WRN: variants seen among roughly 807,000 people sequenced by gnomAD.
The protein encoded by WRN is bifunctional 3'-5' exonuclease/ATP-dependent helicase WRN.
In WRN, 149 loss-of-function variants were observed where a neutral mutation model predicts 180.7. That is an observed-to-expected ratio of 0.82 (90% CI 0.72 to 0.94). WRN has a LOEUF of 0.94. WRN is among the 40% of genes least tolerant of loss of function. The probability of loss-of-function intolerance (pLI) is 0.00; values close to 1 mark genes in which losing one functional copy is unlikely to be tolerated. For missense variants in WRN, 1,661 were observed against 1,700.1 expected, an observed-to-expected ratio of 0.98 and a Z score of 0.40; for synonymous variants, 548 against 568.9, an observed-to-expected ratio of 0.96 and a Z score of 0.52.
In WRN at chr8:31,087,848, G is replaced by C. The variant is rs755548890; in HGVS notation, c.1504G>C (p.Gly502Arg). The C allele has an allele frequency of 8.6e-5, 139 of 1,613,562 alleles. No individual in the cohort carries two copies. The highest frequency in any genetic ancestry group is 1.1e-4 in the Non-Finnish European group (133 of 1,179,830). Residue 502 changes from glycine (G) to arginine (R), a missense_variant, in exon 12 of 35, where the codon GGT becomes CGT. Gly to Arg is a moderately radical substitution (Grantham distance 125). Coordinates refer to ENST00000298139, the MANE Select transcript of WRN (RefSeq NM_000553.6). ...SKCLKMERNLGLPTKEEEEDD... is the reference protein window; with the variant it reads ...SKCLKMERNLRLPTKEEEEDD... Reference sequence around the variant, plus strand: ...ATGCTTAAAAATGGAAAGAAATCTGGGTCTTCCTACTAAAGAAGAAGAAGA... The same window carrying C: ...ATGCTTAAAAATGGAAAGAAATCTGCGTCTTCCTACTAAAGAAGAAGAAGA...
chr8:31,111,617 T>A lies in WRN; in HGVS notation c.2091T>A (p.Val697=), dbSNP rs781016211. 1.2e-6 allele frequency: 2 copies of A among 1,613,848 alleles called. No individual in the cohort carries two copies. Among genetic ancestry groups the A allele is most frequent in the African/African-American group, 2.7e-5 (2 of 74,914 alleles). Residue 697 remains valine, a splice_region_variant and synonymous_variant, in exon 19 of 35, where the codon GTT becomes GTA. Transcript: ENST00000298139. Reference sequence around the variant, plus strand: ...AATATCAGTTTTACATCATTCAGGTTCCAATCGTTGCACTTACTGCTACTG... The same window carrying A: ...AATATCAGTTTTACATCATTCAGGTACCAATCGTTGCACTTACTGCTACTG... ...LGSLKTALPM[V]PIVALTATAS...
At chr8:31,048,811 T>G (rs2129954825) in intron 1 of WRN, among the ~76,000 whole-genome samples, 1 of 152,318 alleles carries the variant, frequency 6.6e-6, no homozygotes, top group East Asian at 1.9e-4. Flanking sequence ...CTTAAGCTGC[T>G]TTGGTTTTGT....
chr8:31,156,930 A>C (rs956411407), intron 32 of WRN, among the ~76,000 whole-genome samples: 1 of 152,176 alleles, frequency 6.6e-6, no homozygotes, highest in Non-Finnish European at 1.5e-5. Context: ...TGTTATCTCT[A>C]AGCATTTTAG....
At chr8:31,063,446 C>T (rs1180678915) in intron 3 of WRN, among the ~76,000 whole-genome samples, 1 of 152,154 alleles carries the variant, frequency 6.6e-6, no homozygotes, top group Non-Finnish European at 1.5e-5. Flanking sequence ...CATGTCTGTA[C>T]ACATCTGAGG....
chr8:31,087,073 A>G (rs1813563444), intron 11 of WRN, among the ~76,000 whole-genome samples: 1 of 152,108 alleles, frequency 6.6e-6, no homozygotes, highest in Admixed American at 6.5e-5. Context: ...AAAAACCTTC[A>G]AAATGAAAAT....
chr8:31,090,564 TA>T, intron 14 of WRN, 32 bp downstream of exon 14: 1 of 1,585,632 alleles, frequency 6.3e-7, no homozygotes, highest in Non-Finnish European at 8.6e-7. Flanking sequence ...CCTAATCCTT[TA>T]AAAAAATAAA....
At chr8:31,054,348 T>A (rs1278670124) in intron 1 of WRN, among the ~76,000 whole-genome samples, 1 of 152,216 alleles carries the variant, frequency 6.6e-6, no homozygotes, top group Non-Finnish European at 1.5e-5. Flanking sequence ...GTTTCCATAC[T>A]GAAAGACAAA....
rs1176572182 is a variant in WRN at position 31,174,835 on chromosome 8, C to CCCTT, written c.*1736_*1737insTCCT. On this transcript the variant is annotated 3_prime_UTR_variant, in exon 35 of 35. Transcript: ENST00000298139. ...TTCCTTCCTTCCTCCCTCCCTCCCT[C>CCCTT]CCTCCCTCCCTCCCTCCTTTCTTTT... Among the ~76,000 whole-genome samples, 2 of 61,326 alleles carry CCCTT rather than the reference C, an allele frequency of 3.3e-5. No homozygotes were observed. Among genetic ancestry groups the CCCTT allele is most frequent in the South Asian group, 6.8e-4 (1 of 1,464 alleles). 40.2% of individuals were successfully genotyped at this position (61,326 alleles called of 152,430 possible). A position where few individuals can be genotyped will look rare whatever the true frequency, so the allele number is the denominator to read the frequency against.
At chr8:31,071,498 C>G (rs1812911149) in intron 7 of WRN, among the ~76,000 whole-genome samples, 1 of 151,994 alleles carries the variant, frequency 6.6e-6, no homozygotes, top group South Asian at 2.1e-4. Context: ...CATTTTTCTT[C>G]TTTTTTTGAG....
At position 31,172,979 on chromosome 8, in the gene WRN, T is replaced by A. The variant is rs1804158908; in HGVS notation, c.4192-16T>A. On this transcript the variant is annotated splice_polypyrimidine_tract_variant and intron_variant, in intron 34 of 34. Transcript: ENST00000298139. The stretch of plus-strand genomic sequence containing the variant: ...AGTACAAAGATTTGATTTCTTTTTC[T>A]TTCTATTTCCTACAGACTTCATCTG... 1 of 1,612,454 alleles carries A rather than the reference T, an allele frequency of 6.2e-7. No homozygotes were observed.
At chr8:31,073,536 TGGGATC>T (rs757678058) in intron 7 of WRN, among the ~76,000 whole-genome samples, 1 of 152,200 alleles carries the variant, frequency 6.6e-6, no homozygotes, top group Non-Finnish European at 1.5e-5. Flanking sequence ...TATCAATATT[TGGGATC>T]AATTTGGGAA....
At chr8:31,080,154 T>G (rs1297188243) in intron 8 of WRN, among the ~76,000 whole-genome samples, 1 of 152,230 alleles carries the variant, frequency 6.6e-6, no homozygotes, top group East Asian at 1.9e-4. Context: ...GTGCTGGGAT[T>G]ACAGGCATGA....
chr8:31,168,371 C>T (rs1803979171), intron 34 of WRN, among the ~76,000 whole-genome samples: 1 of 152,120 alleles, frequency 6.6e-6, no homozygotes, highest in Non-Finnish European at 1.5e-5. Context: ...AACGGTGTAA[C>T]TTACTATTTT....
chr8:31,072,695 T>A (rs1427409235), intron 7 of WRN, among the ~76,000 whole-genome samples: 1 of 152,246 alleles, frequency 6.6e-6, no homozygotes, highest in Non-Finnish European at 1.5e-5. Flanking sequence ...TGTAAACAAC[T>A]GTTCTAGAAG....
chr8:31,037,831 G>C (rs1300649492), intron 1 of WRN, among the ~76,000 whole-genome samples: 1 of 152,092 alleles, frequency 6.6e-6, no homozygotes, highest in African/African-American at 2.4e-5. Flanking sequence ...CCCTAGCTTT[G>C]TTCTTTTAGC....
At chr8:31,166,816 TTGGAGGCAGG>T (rs1244555933) in intron 33 of WRN, among the ~76,000 whole-genome samples, 196 bp from the exon 34 acceptor site, 2 of 152,130 alleles carry the variant, frequency 1.3e-5, no homozygotes, top group Admixed American at 1.3e-4. Context: ...ACTTTGGATC[TTGGAGGCAGG>T]GGCTTCAGGT....
chr8:31,038,563 A>G (rs1477050355), intron 1 of WRN, among the ~76,000 whole-genome samples: 1 of 151,912 alleles, frequency 6.6e-6, no homozygotes, highest in East Asian at 1.9e-4. Context: ...TTAAATTTTT[A>G]TAGAGTCCAG....
chr8:31,068,228 T>C, intron 6 of WRN, 30 bp from the exon 7 acceptor site: 1 of 1,518,474 alleles, frequency 6.6e-7, no homozygotes, highest in Non-Finnish European at 9.1e-7. Flanking sequence ...ATCTTTAGCA[T>C]ACTTTTTAAA....
intron 1 of WRN, among the ~76,000 whole-genome samples, chr8:31,044,224 G>A (rs1200353333): frequency 6.6e-6 from 1 of 150,990 alleles, no homozygotes; most frequent in East Asian, 2.0e-4. Flanking sequence ...TGTGTTTTTA[G>A]TAGAGACGGG....
Sources: gnomAD v4.1 joint callset for allele counts (sites outside exome capture counted in the v4.1 genomes callset) on GRCh38, gnomAD v4.1.1 for gene constraint, MANE v1.5 for transcripts, NCBI Gene and HGNC (gene_info 2026-07-23, HGNC 2026-07-21) for gene names.